The following ZNF331 variants were observed in gnomAD, a reference collection of about 807,000 sequenced individuals.
ZNF331 encodes zinc finger protein 331.
A neutral mutation model predicts 7.0 loss-of-function variants in ZNF331; 2 were observed. That is an observed-to-expected ratio of 0.29 (90% CI 0.12 to 0.90). The LOEUF (loss-of-function observed/expected upper bound fraction) is 0.90, where lower values mean the gene tolerates loss of function less well. Ranked by LOEUF, ZNF331 falls within the 40% of genes least tolerant of loss-of-function variation. The pLI, the probability that ZNF331 is intolerant of heterozygous loss-of-function variation, is 0.58. For synonymous variants in ZNF331, 196 were observed against 205.4 expected (o/e 0.95, Z 0.39); for missense variants, 432 against 587.7 (o/e 0.74, Z 2.74).
chr19:53,517,288 A>C (rs1243117366), upstream of ZNF331, among the ~76,000 whole-genome samples: 1 of 152,180 alleles, frequency 6.6e-6, no homozygotes, highest in Non-Finnish European at 1.5e-5. Context: ...TCCATCTTAC[A>C]TTTCATGGGG....
chr19:53,546,991 C>T (rs1350756085), intron 2 of ZNF331, among the ~76,000 whole-genome samples: 1 of 152,078 alleles, frequency 6.6e-6, no homozygotes, highest in Non-Finnish European at 1.5e-5. Context: ...TGTTTATGGT[C>T]TACAGAGGCT....
intron 2 of ZNF331, among the ~76,000 whole-genome samples, chr19:53,530,880 T>C (rs2087511877): frequency 6.6e-6 from 1 of 152,172 alleles, no homozygotes; most frequent in South Asian, 2.1e-4. Context: ...TGCGAGTATC[T>C]TGGGGGCAAT....
intron 2 of ZNF331, among the ~76,000 whole-genome samples, chr19:53,526,773 C>T (rs1288502286): frequency 6.7e-6 from 1 of 150,366 alleles, no homozygotes; most frequent in African/African-American, 2.4e-5. Context: ...AGGATGGTCT[C>T]GATCTCCTGA....
At chr19:53,566,987 AG>A (rs2090189639) in intron 3 of ZNF331, among the ~76,000 whole-genome samples, 1 of 152,124 alleles carries the variant, frequency 6.6e-6, no homozygotes, top group African/African-American at 2.4e-5. Context: ...GTGTATATAT[AG>A]ACAGATGCGT....
chr19:53,577,250 C>T lies in ZNF331; in HGVS notation c.690C>T (p.Leu230=), dbSNP rs754200181. The T allele has an allele frequency of 1.7e-5, 28 of 1,613,600 alleles. No individual in the cohort carries two copies. Among genetic ancestry groups the T allele is most frequent in the Non-Finnish European group, 2.3e-5 (27 of 1,179,936 alleles). The change falls in exon 6 of 6, where the codon CTC becomes CTT. Residue 230 remains leucine, a synonymous_variant. Coordinates refer to ENST00000449416, the MANE Select transcript of ZNF331 (RefSeq NM_001079906.2). ...CGKAFRRGDE[L]TQHQRFHTGE... is the part of the protein sequence containing the mutation. ...AGGCCTTTCGGCGTGGTGATGAGCT[C>T]ACTCAGCACCAGAGATTCCACACTG...
chr19:53,529,293 A>G (rs1399208318), intron 2 of ZNF331, among the ~76,000 whole-genome samples: 1 of 151,864 alleles, frequency 6.6e-6, no homozygotes, highest in Admixed American at 6.6e-5. Flanking sequence ...GCAGCTACTC[A>G]GGAGGCTGAG....
In ZNF331 at chr19:53,539,768, T is replaced by C. The variant is rs144825018; in HGVS notation, c.-138+486T>C. Among the ~76,000 whole-genome samples the C allele has an allele frequency of 1.4e-4, 21 of 152,304 alleles. No homozygotes were observed. Among genetic ancestry groups the C allele is most frequent in the African/African-American group, 5.1e-4 (21 of 41,576 alleles). ...TGTAATTTCATGGCATTAAGAAGGATGGACATGCCCCAAAGACATTTAGAC... is the reference window on the plus strand; with the variant it reads ...TGTAATTTCATGGCATTAAGAAGGACGGACATGCCCCAAAGACATTTAGAC... On this transcript the variant is annotated intron_variant, in intron 2 of 5. Coordinates refer to ENST00000449416, the MANE Select transcript of ZNF331 (RefSeq NM_001079906.2). This position sits in a 1 kb window ranked among gnomAD's most constrained non-coding sequence, Gnocchi z 6.1.
chr19:53,535,433 C>T (rs572293591), upstream of ZNF331, among the ~76,000 whole-genome samples: 8 of 152,272 alleles, frequency 5.3e-5, no homozygotes, highest in South Asian at 1.5e-3. Context: ...TTACTGTTAA[C>T]ACTTAGTATG....
At chr19:53,513,969 G>A in the ZNF331 span, among the ~76,000 whole-genome samples, 2 of 152,164 alleles carry the variant, frequency 1.3e-5, no homozygotes, top group African/African-American at 2.4e-5. Flanking sequence ...AGTTGTGGGT[G>A]TTCCTTATAT....
At chr19:53,526,806 C>T (rs1231111200) in intron 2 of ZNF331, among the ~76,000 whole-genome samples, 1 of 151,798 alleles carries the variant, frequency 6.6e-6, no homozygotes, top group Admixed American at 6.6e-5. Context: ...CCCACCTCGG[C>T]CTCCCAAAGT....
the ZNF331 span, among the ~76,000 whole-genome samples, chr19:53,506,388 T>TACC: frequency 8.4e-6 from 1 of 119,610 alleles, no homozygotes; most frequent in Non-Finnish European, 1.7e-5. Context: ...TCCTGGCCCC[T>TACC]ACCACATACA....
intron 5 of ZNF331, among the ~76,000 whole-genome samples, chr19:53,572,035 T>C (rs1269424976): frequency 6.6e-6 from 1 of 152,182 alleles, no homozygotes; most frequent in Non-Finnish European, 1.5e-5. Flanking sequence ...TGTGAGAGTA[T>C]GTTTATACCC....
chr19:53,559,227 TAC>T (rs2089653803), intron 3 of ZNF331, among the ~76,000 whole-genome samples: 1 of 144,070 alleles, frequency 6.9e-6, no homozygotes, highest in East Asian at 2.1e-4. Context: ...GACACATATA[TAC>T]ACACCATACA....
Position 53,560,058 on chromosome 19 carries a change from C to A in ZNF331, c.-74+4150C>A, listed in dbSNP as rs1179861770. Among the ~76,000 whole-genome samples, 2 of 148,600 alleles carry A rather than the reference C, an allele frequency of 1.3e-5. No homozygotes were observed. The highest frequency in any genetic ancestry group is 3.0e-5 in the Non-Finnish European group (2 of 66,922). On this transcript the variant is annotated intron_variant, in intron 3 of 5. Coordinates refer to ENST00000449416, the MANE Select transcript of ZNF331 (RefSeq NM_001079906.2). The surrounding 1 kb of genome is among the most constrained non-coding windows in gnomAD (Gnocchi z 4.3). ...ATACCTCATATATACATATACACAC[C>A]TACATATACATACCATACACACACA...
intron 3 of ZNF331, among the ~76,000 whole-genome samples, chr19:53,562,898 G>A (rs1473769552): frequency 1.3e-5 from 2 of 151,818 alleles, no homozygotes; most frequent in African/African-American, 2.4e-5. Flanking sequence ...TGAGGCAGGA[G>A]AATCGCTTGA....
At chr19:53,572,620 CA>C (rs2090514399) in intron 5 of ZNF331, among the ~76,000 whole-genome samples, 1 of 103,862 alleles carries the variant, frequency 9.6e-6, no homozygotes, top group Admixed American at 9.0e-5. Context: ...ATTATATATA[CA>C]CATATATACA....
chr19:53,555,798 T>C (rs2089357784), intron 2 of ZNF331, 47 bp from the exon 3 acceptor site: 1 of 152,088 alleles, frequency 6.6e-6, no homozygotes, highest in Non-Finnish European at 1.5e-5. Flanking sequence ...TCTCATTGGT[T>C]TTATTAGGTA....
chr19:53,560,131 CCATATATATACACA>C lies in ZNF331; in HGVS notation c.-74+4232_-74+4245del, dbSNP rs1024141676. Among the ~76,000 whole-genome samples the C allele has an allele frequency of 3.4e-5, 5 of 147,540 alleles. No individual in the cohort carries two copies. The highest frequency in any genetic ancestry group is 1.0e-4 in the African/African-American group (4 of 38,374). ...CCATACACACACATATATACACACA[CCATATATATACACA>C]CATATATACACATCCACACCATATA... On this transcript the variant is annotated intron_variant, in intron 3 of 5. Transcript: ENST00000449416. The surrounding 1 kb of genome is among the most constrained non-coding windows in gnomAD (Gnocchi z 4.3).
chr19:53,522,960 G>C (rs1413020170), intron 2 of ZNF331, among the ~76,000 whole-genome samples: 2 of 152,006 alleles, frequency 1.3e-5, no homozygotes, highest in Admixed American at 1.3e-4. Flanking sequence ...ATTTATTTTT[G>C]GGTGGAAGGA....
Sources: gnomAD v4.1 joint callset for allele counts (sites outside exome capture counted in the v4.1 genomes callset) on GRCh38, gnomAD v4.1.1 for gene constraint, Gnocchi (gnomAD v3.1) non-coding constraint, MANE v1.5 for transcripts, NCBI Gene and HGNC (gene_info 2026-07-23, HGNC 2026-07-21) for gene names.